Variants in MDFIC observed in about 807,000 individuals in gnomAD.
MDFIC encodes MyoD family inhibitor domain containing.
A neutral mutation model predicts 23.2 loss-of-function variants in MDFIC; 17 were observed. That is an observed-to-expected ratio of 0.73 (90% CI 0.50 to 1.10). The LOEUF is 1.10. Among genes scored for constraint, MDFIC ranks in the 50% least tolerant of loss-of-function variants. The pLI is 0.00. For synonymous variants in MDFIC, 120 were observed against 115.2 expected (o/e 1.04, Z -0.27); for missense variants, 356 against 316.6 (o/e 1.12, Z -0.95).
chr7:114,939,955 G>A (rs1792505990), intron 2 of MDFIC, among the ~76,000 whole-genome samples: 1 of 152,184 alleles, frequency 6.6e-6, no homozygotes, highest in Non-Finnish European at 1.5e-5. Context: ...TGATGAGCTA[G>A]TTCTTGCCTA....
intron 3 of MDFIC, among the ~76,000 whole-genome samples, chr7:114,978,036 A>G (rs1793349907): frequency 6.7e-6 from 1 of 149,128 alleles, no homozygotes; most frequent in African/African-American, 2.4e-5. Context: ...GTATAATAAA[A>G]TAATTATGCA....
chr7:114,980,773 G>A (rs929939739), intron 4 of MDFIC, among the ~76,000 whole-genome samples: 4 of 152,076 alleles, frequency 2.6e-5, no homozygotes, highest in Admixed American at 6.6e-5. Context: ...AAATTTTGTG[G>A]AATGCCTCTG....
At chr7:114,937,889 T>C (rs1306582820) in intron 2 of MDFIC, among the ~76,000 whole-genome samples, 2 of 152,236 alleles carry the variant, frequency 1.3e-5, no homozygotes, top group Non-Finnish European at 2.9e-5. Flanking sequence ...TTTATTTTGA[T>C]ATCTAAAACA....
intron 2 of MDFIC, among the ~76,000 whole-genome samples, chr7:114,939,099 ACC>A (rs879309500): frequency 0.033 from 4,995 of 152,292 alleles, 268 homozygotes; most frequent in African/African-American, 0.11. Context: ...GTAACTGCCC[ACC>A]ATTTATGAGA....
In MDFIC at chr7:114,941,616, T is replaced by C. The variant is rs1273141580; in HGVS notation, c.95-659T>C. Among the ~76,000 whole-genome samples, 9 of 152,206 alleles carry C rather than the reference T, an allele frequency of 5.9e-5. No homozygotes were observed. The East Asian group carries it at 1.5e-3, about 26-fold the overall frequency. ...CCTTTTTAGTGCTCTGGACCTCTCATAGCATGCATTATACCTTGTTGCCAG... is the reference window on the plus strand; with the variant it reads ...CCTTTTTAGTGCTCTGGACCTCTCACAGCATGCATTATACCTTGTTGCCAG... On this transcript the variant is annotated intron_variant, in intron 2 of 4. Transcript: ENST00000393486.
At chr7:114,988,122 C>T (rs940253451) in intron 4 of MDFIC, among the ~76,000 whole-genome samples, 5 of 152,124 alleles carry the variant, frequency 3.3e-5, no homozygotes, top group Admixed American at 6.6e-5. Flanking sequence ...TGGACTTCAC[C>T]GTTGTTTTTT....
intron 4 of MDFIC, among the ~76,000 whole-genome samples, chr7:114,999,432 T>G (rs558050160): frequency 6.6e-6 from 1 of 152,072 alleles, no homozygotes; most frequent in Non-Finnish European, 1.5e-5. Flanking sequence ...TGTTTTTTTT[T>G]AAAATTACAT....
chr7:114,933,564 C>T lies in MDFIC; in HGVS notation c.95-8711C>T, dbSNP rs546049863. On this transcript the variant is annotated intron_variant, in intron 2 of 4. Transcript: ENST00000393486. ...GAGCCACTGTGCCCAGCCTCCATTC[C>T]TTTTTATAATGGAGTTAATAGACTG... Among the ~76,000 whole-genome samples the T allele has an allele frequency of 2.6e-5, 4 of 152,170 alleles. No individual in the cohort carries two copies. The South Asian group carries it at 8.3e-4, about 32-fold the overall frequency.
intron 4 of MDFIC, among the ~76,000 whole-genome samples, chr7:115,009,401 C>T (rs1279189952): frequency 1.3e-5 from 2 of 152,130 alleles, no homozygotes; most frequent in East Asian, 1.9e-4. Flanking sequence ...CGTTTAGAGG[C>T]GAGCTGAGTT....
At chr7:114,928,242 G>A (rs867319281) in intron 2 of MDFIC, among the ~76,000 whole-genome samples, 1 of 152,036 alleles carries the variant, frequency 6.6e-6, no homozygotes, top group African/African-American at 2.4e-5. Context: ...GAAGGAAGTG[G>A]TTAAAGAAGA....
At chr7:115,014,331 T>C (rs747833700) in intron 4 of MDFIC, 11 of 1,252,126 alleles carry the variant, frequency 8.8e-6, no homozygotes, top group African/African-American at 1.6e-5. Flanking sequence ...AAGGAAGTTA[T>C]AGTAGAGGGA....
chr7:115,012,283 T>C (rs1057163804), intron 4 of MDFIC, among the ~76,000 whole-genome samples: 1 of 152,076 alleles, frequency 6.6e-6, no homozygotes, highest in African/African-American at 2.4e-5. Context: ...TGCTGAACAC[T>C]CATTTCAAAG....
At chr7:114,935,003 G>A (rs1287536998) in intron 2 of MDFIC, among the ~76,000 whole-genome samples, 1 of 152,010 alleles carries the variant, frequency 6.6e-6, no homozygotes, top group Non-Finnish European at 1.5e-5. Context: ...CTTATCTTTG[G>A]TTTTTTAAAG....
At chr7:114,971,366 G>A (rs936684616) in intron 3 of MDFIC, among the ~76,000 whole-genome samples, 8 of 152,086 alleles carry the variant, frequency 5.3e-5, no homozygotes, top group South Asian at 4.1e-4. Flanking sequence ...ATATTAGGTC[G>A]GAATTCTTGG....
chr7:114,979,477 T>C, intron 3 of MDFIC, 29 bp from the exon 4 acceptor site: 1 of 1,563,690 alleles, frequency 6.4e-7, no homozygotes. Flanking sequence ...TTTCTTTAAC[T>C]GGCTGACTTT....
At chr7:114,999,868 T>C (rs1199276505) in intron 4 of MDFIC, among the ~76,000 whole-genome samples, 3 of 152,180 alleles carry the variant, frequency 2.0e-5, no homozygotes, top group African/African-American at 7.2e-5. Flanking sequence ...ATTATACATA[T>C]AGGCAATAAA....
intron 4 of MDFIC, among the ~76,000 whole-genome samples, chr7:115,002,962 G>A (rs1791493530): frequency 6.6e-6 from 1 of 152,126 alleles, no homozygotes; most frequent in Non-Finnish European, 1.5e-5. Flanking sequence ...ACAAATAGAT[G>A]TCTTGGAAAG....
intron 3 of MDFIC, among the ~76,000 whole-genome samples, chr7:114,966,866 G>C (rs1793107266): frequency 6.6e-6 from 1 of 152,146 alleles, no homozygotes; most frequent in Non-Finnish European, 1.5e-5. Flanking sequence ...GGACAATATG[G>C]AGGACAGACT....
chr7:114,926,235 G>A (rs1792187778), intron 2 of MDFIC, among the ~76,000 whole-genome samples: 1 of 152,134 alleles, frequency 6.6e-6, no homozygotes, highest in South Asian at 2.1e-4. Flanking sequence ...AACTAGAGGG[G>A]TCTTTAGAAA....
Sources: gnomAD v4.1 joint callset for allele counts (sites outside exome capture counted in the v4.1 genomes callset) on GRCh38, gnomAD v4.1.1 for gene constraint, MANE v1.5 for transcripts, NCBI Gene and HGNC (gene_info 2026-07-23, HGNC 2026-07-21) for gene names.